The following DOCK5 variants were observed in gnomAD, a reference collection of about 807,000 sequenced individuals.
DOCK5 encodes the protein dedicator of cytokinesis 5, also known as dedicator of cytokinesis protein 5.
A neutral mutation model predicts 251.8 loss-of-function variants in DOCK5; 142 were observed. That is an observed-to-expected ratio of 0.56 (90% confidence interval 0.49 to 0.65). The LOEUF (loss-of-function observed/expected upper bound fraction) is 0.65. Ranked by LOEUF, DOCK5 falls within the 30% of genes least tolerant of loss-of-function variation. The pLI is 0.00. For missense variants in DOCK5, 2,111 were observed against 2,312.3 expected, an observed-to-expected ratio of 0.91 and a Z score of 1.79; for synonymous variants, 842 against 835.5, an observed-to-expected ratio of 1.01 and a Z score of -0.13.
intron 5 of DOCK5, among the ~76,000 whole-genome samples, chr8:25,289,323 T>C (rs1028510059): frequency 6.6e-6 from 1 of 151,822 alleles, no homozygotes; most frequent in Non-Finnish European, 1.5e-5. Context: ...TTTGTTTGTT[T>C]GTTTATTTTA....
intron 35 of DOCK5, 34 bp downstream of exon 35, chr8:25,372,752 A>T: frequency 6.3e-7 from 1 of 1,586,858 alleles, no homozygotes; most frequent in Non-Finnish European, 8.6e-7. Context: ...ATGGGAGGGT[A>T]CTGTCAGGCC....
At chr8:25,278,120 A>C (rs988189139) in intron 4 of DOCK5, among the ~76,000 whole-genome samples, 1 of 152,008 alleles carries the variant, frequency 6.6e-6, no homozygotes, top group Admixed American at 6.6e-5. Context: ...CCCCACCTCT[A>C]CCCTGGCCTC....
intron 2 of DOCK5, among the ~76,000 whole-genome samples, chr8:25,258,908 C>T (rs557458961): frequency 6.6e-6 from 1 of 152,214 alleles, no homozygotes; most frequent in East Asian, 1.9e-4. Flanking sequence ...CACTTGAGGT[C>T]AAGAGTTTAA....
intron 26 of DOCK5, 143 bp downstream of exon 26, chr8:25,345,754 G>C (rs1800354632): frequency 1.6e-6 from 2 of 1,228,052 alleles, no homozygotes; most frequent in Non-Finnish European, 2.3e-6. Flanking sequence ...GAGATAATTA[G>C]GGAGGCCAGA....
At position 25,408,906 on chromosome 8, in the gene DOCK5, A is replaced by G; in HGVS notation, c.5370A>G (p.Pro1790=). 7 of 1,613,610 alleles carry G rather than the reference A, an allele frequency of 4.3e-6. No homozygotes were observed. The highest frequency in any genetic ancestry group is 5.9e-6 in the Non-Finnish European group (7 of 1,179,850). ...SSPPQSTPLS[P]PPLTPKATRT... The stretch of plus-strand genomic sequence containing the variant: ...CTCCTCAGTCAACACCCTTGAGCCC[A>G]CCTCCACTCACTCCCAAAGCCACCA... The change falls in exon 50 of 52, where the codon CCA becomes CCG. Residue 1790 remains proline (P), a synonymous_variant. Coordinates refer to ENST00000276440, the MANE Select transcript of DOCK5 (RefSeq NM_024940.8).
chr8:25,323,811 C>T (rs761777882), intron 16 of DOCK5, 37 bp from the exon 17 acceptor site: 2 of 1,598,572 alleles, frequency 1.3e-6, no homozygotes, highest in Admixed American at 3.5e-5. Context: ...CCTGGTGTCT[C>T]TCTGCACTGC....
At chr8:25,287,511 T>C (rs927198544) in intron 5 of DOCK5, among the ~76,000 whole-genome samples, 2 of 152,200 alleles carry the variant, frequency 1.3e-5, no homozygotes, top group South Asian at 2.1e-4. Context: ...GAGGGAGAAA[T>C]TTTAAGCAAA....
chr8:25,252,873 C>T (rs1803308434), intron 2 of DOCK5, among the ~76,000 whole-genome samples: 1 of 152,064 alleles, frequency 6.6e-6, no homozygotes, highest in African/African-American at 2.4e-5. Context: ...ACCCTGTCTC[C>T]CAGGCTGGAG....
At chr8:25,189,378 T>C (rs1025167175) in intron 1 of DOCK5, among the ~76,000 whole-genome samples, 4 of 152,096 alleles carry the variant, frequency 2.6e-5, no homozygotes, top group Non-Finnish European at 5.9e-5. Context: ...TCTTTTCTTC[T>C]GAGACAGGGT....
chr8:25,247,227 T>A (rs1803140918), intron 2 of DOCK5, among the ~76,000 whole-genome samples: 1 of 152,228 alleles, frequency 6.6e-6, no homozygotes, highest in African/African-American at 2.4e-5. Context: ...AAATTTTTTT[T>A]CATTTTTATG....
intron 38 of DOCK5, 48 bp downstream of exon 38, chr8:25,377,472 C>T (rs768898802): frequency 7.6e-6 from 12 of 1,583,216 alleles, no homozygotes; most frequent in Non-Finnish European, 1.0e-5. Flanking sequence ...AAAATGACCG[C>T]AGTATCGCAA....
chr8:25,197,773 C>CGGA (rs1173675855), intron 1 of DOCK5, among the ~76,000 whole-genome samples: 1 of 31,072 alleles, frequency 3.2e-5, no homozygotes, highest in East Asian at 8.2e-4. Context: ...TTTTTTGAGA[C>CGGA]GGAGTCTCGC....
intron 16 of DOCK5, among the ~76,000 whole-genome samples, chr8:25,321,766 G>T (rs1330196902): frequency 6.6e-5 from 10 of 152,094 alleles, no homozygotes. Context: ...TGGGTTTATG[G>T]CTTGGGGTTT....
At chr8:25,335,334 A>G (rs1346934394) in intron 21 of DOCK5, among the ~76,000 whole-genome samples, 1 of 152,040 alleles carries the variant, frequency 6.6e-6, no homozygotes, top group African/African-American at 2.4e-5. Flanking sequence ...CAAATGCAGC[A>G]CTCCAGGTGG....
intron 5 of DOCK5, among the ~76,000 whole-genome samples, chr8:25,282,241 T>C (rs1804212769): frequency 6.6e-6 from 1 of 152,112 alleles, no homozygotes; most frequent in Admixed American, 6.5e-5. Context: ...TTTTTTTTTT[T>C]TCCTGTCCCT....
chr8:25,357,466 C>T (rs1800597703), intron 27 of DOCK5, among the ~76,000 whole-genome samples: 1 of 149,870 alleles, frequency 6.7e-6, no homozygotes, highest in African/African-American at 2.5e-5. Context: ...GCGTCTCTGC[C>T]TCCCAGGTTC....
At chr8:25,378,682 A>G (rs1220339020) in intron 38 of DOCK5, among the ~76,000 whole-genome samples, 1 of 152,180 alleles carries the variant, frequency 6.6e-6, no homozygotes, top group African/African-American at 2.4e-5. Flanking sequence ...GACGTGCTTT[A>G]GCCTGTAACT....
At chr8:25,325,224 A>G (rs1333193863) in intron 17 of DOCK5, 140 bp from the exon 18 acceptor site, 1 of 784,128 alleles carries the variant, frequency 1.3e-6, no homozygotes, top group South Asian at 2.0e-5. Flanking sequence ...ATATCAGAGT[A>G]TCTCAGAGGT....
At chr8:25,386,626 G>A (rs541692553) in intron 40 of DOCK5, among the ~76,000 whole-genome samples, 21 of 152,188 alleles carry the variant, frequency 1.4e-4, no homozygotes, top group Non-Finnish European at 1.3e-4. Context: ...TAGAAAGAGT[G>A]TAGGGTCTAA....
Sources: allele counts gnomAD v4.1 joint callset (sites outside exome capture counted in the v4.1 genomes callset), GRCh38; gene constraint gnomAD v4.1.1; transcripts MANE v1.5; gene names NCBI Gene and HGNC (gene_info 2026-07-23, HGNC 2026-07-21).